The following GRIP1 variants were observed in gnomAD, a reference collection of about 807,000 sequenced individuals.
GRIP1 encodes glutamate receptor interacting protein 1.
Under a neutral mutation model 129.9 loss-of-function variants are expected in GRIP1, and 45 were observed. That is an observed-to-expected ratio of 0.35 (90% CI 0.27 to 0.44). GRIP1 has a LOEUF of 0.44. Ranked by LOEUF, GRIP1 falls within the 20% of genes least tolerant of loss-of-function variation. The pLI is 1.00. For missense variants in GRIP1, 1,196 were observed against 1,396.8 expected (o/e 0.86, Z 2.29); for synonymous variants, 530 against 520.8 (o/e 1.02, Z -0.24).
chr12:66,499,174 C>T (rs964381280), intron 7 of GRIP1, among the ~76,000 whole-genome samples: 4 of 152,182 alleles, frequency 2.6e-5, no homozygotes, highest in Non-Finnish European at 4.4e-5. Context: ...AATGAATTCA[C>T]TAGCCTTGTG....
At chr12:66,707,216 A>G (rs1193879292) in intron 1 of GRIP1, among the ~76,000 whole-genome samples, 2 of 151,862 alleles carry the variant, frequency 1.3e-5, no homozygotes, top group South Asian at 2.1e-4. Context: ...ACATGCTCTT[A>G]GAGACTTCCA....
chr12:66,536,677 C>A (rs1040936511), intron 4 of GRIP1, among the ~76,000 whole-genome samples: 1 of 152,172 alleles, frequency 6.6e-6, no homozygotes, highest in Non-Finnish European at 1.5e-5. Context: ...CCTCTCCTTG[C>A]ACTGCTTTTT....
chr12:66,961,194 C>T (rs141879114), intron 1 of GRIP1, among the ~76,000 whole-genome samples: 1 of 152,112 alleles, frequency 6.6e-6, no homozygotes, highest in African/African-American at 2.4e-5. Context: ...CTGTTTGTTG[C>T]TCATGTTCCT....
chr12:66,730,472 T>A lies in GRIP1; in HGVS notation c.-420+73581A>T, dbSNP rs893928612. Among the ~76,000 whole-genome samples, 134 of 152,236 alleles carry A rather than the reference T, an allele frequency of 8.8e-4. 1 individual carries two copies. The highest frequency in any genetic ancestry group is 3.1e-3 in the African/African-American group (129 of 41,552). On this transcript the variant is annotated intron_variant, in intron 1 of 4. Transcript: ENST00000538373. ...TTATTGCTTAAGTTTATATTTACAA[T>A]TTCTGTTACTAAAGATCCATAGCAA...
intron 23 of GRIP1, among the ~76,000 whole-genome samples, chr12:66,366,586 G>A (rs1182830486): frequency 6.6e-6 from 1 of 152,204 alleles, no homozygotes; most frequent in East Asian, 1.9e-4. Flanking sequence ...AAGCATTTCT[G>A]TAAGAAGATA....
At chr12:67,045,510 T>C (rs1385644829) in intron 1 of GRIP1, among the ~76,000 whole-genome samples, 2 of 152,196 alleles carry the variant, frequency 1.3e-5, no homozygotes, top group Admixed American at 6.5e-5. Flanking sequence ...ATGAAGGACA[T>C]GTCTTTCCAT....
At chr12:66,573,123 G>A (rs2063022019) in intron 2 of GRIP1, among the ~76,000 whole-genome samples, 2 of 151,896 alleles carry the variant, frequency 1.3e-5, no homozygotes, top group South Asian at 2.1e-4. Flanking sequence ...TATATATGCC[G>A]ACTGTAGCAC....
chr12:66,617,286 G>GAAAAA (rs63275262), intron 1 of GRIP1, among the ~76,000 whole-genome samples: 1 of 104,050 alleles, frequency 9.6e-6, no homozygotes, highest in African/African-American at 3.3e-5. Flanking sequence ...CAGCCAACAA[G>GAAAAA]AAAAAAAAAA....
At chr12:66,923,075 C>A (rs576011208) in intron 1 of GRIP1, among the ~76,000 whole-genome samples, 1 of 152,102 alleles carries the variant, frequency 6.6e-6, no homozygotes, top group Admixed American at 6.6e-5. Context: ...TTATTTTCTA[C>A]GAGAGAAAGA....
intron 1 of GRIP1, among the ~76,000 whole-genome samples, chr12:66,890,982 A>C (rs1444135766): frequency 6.6e-6 from 1 of 152,202 alleles, no homozygotes; most frequent in Non-Finnish European, 1.5e-5. Context: ...GGAAATGGGG[A>C]AAGTAGTAAA....
chr12:66,493,904 A>G (rs2060170218), intron 7 of GRIP1, among the ~76,000 whole-genome samples: 1 of 152,110 alleles, frequency 6.6e-6, no homozygotes. Flanking sequence ...CTCTCTCCTG[A>G]GGAAAGCTGG....
intron 1 of GRIP1, among the ~76,000 whole-genome samples, chr12:67,014,031 T>C (rs2042748061): frequency 6.6e-6 from 1 of 152,164 alleles, no homozygotes; most frequent in Non-Finnish European, 1.5e-5. Flanking sequence ...TTAAAAATAC[T>C]GCAATTATTT....
chr12:66,561,794 G>A (rs2062542801), intron 2 of GRIP1, among the ~76,000 whole-genome samples: 1 of 152,056 alleles, frequency 6.6e-6, no homozygotes, highest in Non-Finnish European at 1.5e-5. Flanking sequence ...TATTTTATTT[G>A]CTGCTAAGAA....
chr12:66,382,168 G>T (rs934407963), intron 19 of GRIP1, among the ~76,000 whole-genome samples: 2 of 152,212 alleles, frequency 1.3e-5, no homozygotes, highest in Non-Finnish European at 2.9e-5. Flanking sequence ...TGTTGAGGCT[G>T]CAGTGAGCCA....
At chr12:66,973,301 G>C (rs1192605739) in intron 1 of GRIP1, among the ~76,000 whole-genome samples, 1 of 149,842 alleles carries the variant, frequency 6.7e-6, no homozygotes, top group South Asian at 2.1e-4. Context: ...TCAGGGGTTT[G>C]GGGTAGGTTT....
intron 15 of GRIP1, among the ~76,000 whole-genome samples, chr12:66,418,518 TA>T (rs2057690839): frequency 6.6e-6 from 1 of 152,018 alleles, no homozygotes; most frequent in African/African-American, 2.4e-5. Context: ...CATAATAGGA[TA>T]AAATATTTGC....
intron 17 of GRIP1, among the ~76,000 whole-genome samples, chr12:66,393,712 A>G (rs1381194891): frequency 2.0e-5 from 3 of 152,138 alleles, no homozygotes; most frequent in Non-Finnish European, 1.5e-5. Flanking sequence ...TTGCCAAAGG[A>G]AAAAATGGAC....
At chr12:66,725,488 AT>A in intron 1 of GRIP1, among the ~76,000 whole-genome samples, 1 of 152,298 alleles carries the variant, frequency 6.6e-6, no homozygotes, top group East Asian at 1.9e-4. Context: ...ATACATATAC[AT>A]AAAATAAGTA....
chr12:66,978,104 G>T (rs576281958), intron 1 of GRIP1, among the ~76,000 whole-genome samples: 1 of 151,834 alleles, frequency 6.6e-6, no homozygotes, highest in African/African-American at 2.4e-5. Context: ...TTACAGATCT[G>T]AACCACGACA....
Sources: allele counts gnomAD v4.1 joint callset (sites outside exome capture counted in the v4.1 genomes callset), GRCh38; gene constraint gnomAD v4.1.1; transcripts MANE v1.5; gene names NCBI Gene and HGNC (gene_info 2026-07-23, HGNC 2026-07-21).